Variants in FUT8 observed in about 807,000 individuals in gnomAD.
The protein encoded by FUT8 is fucosyltransferase 8, also known as alpha-(1,6)-fucosyltransferase.
FUT8 carries 29 observed loss-of-function variants against 71.3 expected under a neutral mutation model. That is an observed-to-expected ratio of 0.41 (90% CI 0.30 to 0.55). The LOEUF is 0.55. Among genes scored for constraint, FUT8 ranks in the 20% least tolerant of loss-of-function variants. FUT8 has a pLI of 0.34. For synonymous variants in FUT8, 254 were observed against 239.3 expected (o/e 1.06, Z -0.57); for missense variants, 544 against 702.1 (o/e 0.77, Z 2.55).
chr14:65,400,489 A>T, the FUT8 span, among the ~76,000 whole-genome samples: 2 of 152,166 alleles, frequency 1.3e-5, no homozygotes, highest in African/African-American at 4.8e-5. Flanking sequence ...CTGTTGGTTC[A>T]GGGGTATACG....
At chr14:65,718,835 A>G (rs1895260851) in intron 7 of FUT8, among the ~76,000 whole-genome samples, 1 of 152,142 alleles carries the variant, frequency 6.6e-6, no homozygotes, top group African/African-American at 2.4e-5. Flanking sequence ...GCTGTCAGAC[A>G]TATTGGAGCT....
At chr14:65,369,377 T>A in the FUT8 span, among the ~76,000 whole-genome samples, 140,400 of 152,288 alleles carry the variant, frequency 0.92, 64,977 homozygotes, top group East Asian at 1. The surrounding 1 kb of genome is among the most constrained non-coding windows in gnomAD (Gnocchi z 4.6). Context: ...CTCTGCCGAC[T>A]TGTCAGAGAT....
intron 7 of FUT8, among the ~76,000 whole-genome samples, chr14:65,677,147 T>TGCGCGCGCGC (rs1450622099): frequency 9.7e-6 from 1 of 102,810 alleles, no homozygotes; most frequent in Non-Finnish European, 2.1e-5. Context: ...TGTGTGTGTG[T>TGCGCGCGCGC]GTGTGCGCGC....
intron 1 of FUT8, among the ~76,000 whole-genome samples, chr14:65,435,619 A>G (rs1166102411): frequency 1.3e-5 from 2 of 151,276 alleles, no homozygotes; most frequent in South Asian, 2.1e-4. Flanking sequence ...ACTTGGGTAA[A>G]TACCTAGGAG....
chr14:65,520,729 G>A (rs1391036845), intron 2 of FUT8, among the ~76,000 whole-genome samples: 2 of 151,848 alleles, frequency 1.3e-5, no homozygotes, highest in Non-Finnish European at 2.9e-5. Context: ...CATTTTAGAT[G>A]ATATTATTTA....
intron 2 of FUT8, among the ~76,000 whole-genome samples, chr14:65,494,136 T>G (rs1201995139): frequency 6.6e-6 from 1 of 152,170 alleles, no homozygotes; most frequent in Non-Finnish European, 1.5e-5. Flanking sequence ...GAACCACACA[T>G]GTAATTTTTT....
the FUT8 span, among the ~76,000 whole-genome samples, chr14:65,398,225 A>G: frequency 6.6e-6 from 1 of 152,114 alleles, no homozygotes. Context: ...TAGTGGCACA[A>G]TCATAGCTCA....
intron 3 of FUT8, among the ~76,000 whole-genome samples, chr14:65,592,731 G>T: frequency 6.6e-6 from 1 of 152,132 alleles, no homozygotes; most frequent in East Asian, 1.9e-4. Flanking sequence ...TTGATCTGCA[G>T]TCTGTTGAGT....
chr14:65,426,020 A>C (rs1270383544), intron 1 of FUT8, among the ~76,000 whole-genome samples: 1 of 152,040 alleles, frequency 6.6e-6, no homozygotes, highest in Non-Finnish European at 1.5e-5. Context: ...TAGTGTGTAC[A>C]ATAAATATTA....
In FUT8 at chr14:65,616,010, C is replaced by T. The variant is rs752703146; in HGVS notation, c.236C>T (p.Ala79Val). The change falls in exon 4 of 11, where the codon GCT becomes GTT. Residue 79 changes from alanine (A) to valine (V), a missense_variant. By Grantham distance (64) the Ala-to-Val change is moderately conservative. Transcript: ENST00000673929. ...IPEGPIDQGP[A>V]IGRVRVLEEQ... The stretch of plus-strand genomic sequence containing the variant: ...GAAGGCCCTATTGATCAGGGGCCAG[C>T]TATAGGAAGAGTACGCGTTTTAGAA... 6 of 1,613,776 alleles carry T rather than the reference C, an allele frequency of 3.7e-6. No individual in the cohort carries two copies. Among genetic ancestry groups the T allele is most frequent in the Non-Finnish European group, 5.1e-6 (6 of 1,179,884 alleles).
chr14:65,415,929 T>C (rs1256159541), intron 1 of FUT8, among the ~76,000 whole-genome samples: 1 of 152,236 alleles, frequency 6.6e-6, no homozygotes, highest in Non-Finnish European at 1.5e-5. Flanking sequence ...TCCATTCACA[T>C]ATTCTTTAAA....
At chr14:65,466,239 G>T (rs1215645363) in intron 2 of FUT8, among the ~76,000 whole-genome samples, 1 of 152,166 alleles carries the variant, frequency 6.6e-6, no homozygotes, top group Non-Finnish European at 1.5e-5. Flanking sequence ...TCGACAGCAT[G>T]TGTCTTTTAA....
intron 7 of FUT8, among the ~76,000 whole-genome samples, chr14:65,691,887 A>C (rs1362924147): frequency 6.6e-6 from 1 of 152,234 alleles, no homozygotes; most frequent in Non-Finnish European, 1.5e-5. Context: ...GAGTAGACAC[A>C]GCTCATGTTT....
At chr14:65,461,062 A>C (rs2139583042) in intron 2 of FUT8, among the ~76,000 whole-genome samples, 1 of 152,334 alleles carries the variant, frequency 6.6e-6, no homozygotes, top group Non-Finnish European at 1.5e-5. Flanking sequence ...TGGGTGGCTT[A>C]ATATAGCAGA....
chr14:65,365,328 C>CCTCTCTCTCT, the FUT8 span, among the ~76,000 whole-genome samples: 125 of 139,068 alleles, frequency 9.0e-4, no homozygotes, highest in African/African-American at 3.1e-3. Context: ...ATAAATTCTT[C>CCTCTCTCTCT]CTCTCTCTCT....
chr14:65,518,023 T>G (rs1020317300), intron 2 of FUT8, among the ~76,000 whole-genome samples: 2 of 152,220 alleles, frequency 1.3e-5, no homozygotes, highest in Non-Finnish European at 2.9e-5. Flanking sequence ...CAGTGGTCTC[T>G]TTTTCTTCTC....
intron 1 of FUT8, among the ~76,000 whole-genome samples, chr14:65,426,642 G>A (rs909460526): frequency 3.3e-5 from 5 of 152,178 alleles, no homozygotes; most frequent in African/African-American, 1.2e-4. Flanking sequence ...AGTTTAAGGA[G>A]GACATCATTC....
rs1237958469 is a variant in FUT8, at chr14:65,629,620, G to T, written c.597+14G>T. ...ACATATCTTCAGGTAAGAAGGTTGG[G>T]TTAAGAATAAATTTGAGTGAAAAAA... On this transcript the variant is annotated intron_variant, in intron 6 of 10. Transcript: ENST00000673929. The T allele has an allele frequency of 1.9e-6, 3 of 1,554,880 alleles. No homozygotes were observed. Among genetic ancestry groups the T allele is most frequent in the Admixed American group, 1.7e-5 (1 of 59,678 alleles).
At chr14:65,453,499 A>G (rs1186480934) in intron 1 of FUT8, among the ~76,000 whole-genome samples, 1 of 152,188 alleles carries the variant, frequency 6.6e-6, no homozygotes, top group East Asian at 1.9e-4. Context: ...TGTTGGTTAC[A>G]GATGTTAAAT....
Sources: gnomAD v4.1 joint callset for allele counts (sites outside exome capture counted in the v4.1 genomes callset) on GRCh38, gnomAD v4.1.1 for gene constraint, Gnocchi (gnomAD v3.1) non-coding constraint, MANE v1.5 for transcripts, NCBI Gene and HGNC (gene_info 2026-07-23, HGNC 2026-07-21) for gene names.